IQCM: variants seen among roughly 807,000 people sequenced by gnomAD.
IQCM encodes the protein IQ motif containing M, also known as IQ domain-containing protein M.
A neutral mutation model predicts 57.6 loss-of-function variants in IQCM; 45 were observed. That is an observed-to-expected ratio of 0.78 (90% CI 0.62 to 1.00). IQCM has a LOEUF of 1.00. Among genes scored for constraint, IQCM ranks in the 50% least tolerant of loss-of-function variants. The pLI is 0.00. For missense variants in IQCM, 468 were observed against 511.6 expected (o/e 0.91, Z 0.82); for synonymous variants, 148 against 158.9 (o/e 0.93, Z 0.51).
chr4:149,452,668 C>T (rs1367615196), intron 12 of IQCM, among the ~76,000 whole-genome samples: 1 of 151,536 alleles, frequency 6.6e-6, no homozygotes, highest in East Asian at 1.9e-4. Flanking sequence ...ACCCATGAAA[C>T]TATCACCATC....
At chr4:149,726,127 G>GAAAGAGAGAGAAAGAAAGAAAGAAAGA (rs1765902516) in intron 5 of IQCM, among the ~76,000 whole-genome samples, 20 of 142,276 alleles carry the variant, frequency 1.4e-4, no homozygotes, top group Middle Eastern at 3.6e-3. Flanking sequence ...AAGAAAGAAA[G>GAAAGAGAGAGAAAGAAAGAAAGAAAGA]AAAGAAAGAA....
intron 12 of IQCM, among the ~76,000 whole-genome samples, chr4:149,469,736 A>G (rs1253504437): frequency 6.6e-6 from 1 of 152,212 alleles, no homozygotes; most frequent in Non-Finnish European, 1.5e-5. Flanking sequence ...AGGTCGGGTT[A>G]CCCACAAAGG....
At chr4:149,718,524 G>T (rs142856435) in intron 5 of IQCM, among the ~76,000 whole-genome samples, 179 of 152,292 alleles carry the variant, frequency 1.2e-3, no homozygotes, top group African/African-American at 4.1e-3. Flanking sequence ...AATTATTTTA[G>T]AAAAATGATG....
intron 12 of IQCM, among the ~76,000 whole-genome samples, chr4:149,534,842 G>A (rs186678587): frequency 1.3e-5 from 2 of 152,088 alleles, no homozygotes; most frequent in Admixed American, 1.3e-4. Context: ...TGGCTCTAGA[G>A]GTAACCTTTT....
chr4:149,801,748 G>A (rs1391120235), intron 2 of IQCM, among the ~76,000 whole-genome samples: 1 of 151,930 alleles, frequency 6.6e-6, no homozygotes, highest in South Asian at 2.1e-4. Context: ...GCTAAGAAGA[G>A]TAGTGGAGGA....
Position 149,460,677 on chromosome 4 carries a change from G to A in IQCM, c.1229-27120C>T, listed in dbSNP as rs561912231. ...AAAAATAAAGGAAGATCAGAAGGAA[G>A]AAAGGCAAAAAAAGGAAGAAAGGAT... On this transcript the variant is annotated intron_variant, in intron 12 of 13. Transcript: ENST00000636793. 4.8e-4 allele frequency among the ~76,000 whole-genome samples: 73 copies of A among 151,716 alleles called. 1 individual carries two copies. The South Asian group carries it at 0.015, about 32-fold the overall frequency.
At chr4:149,802,636 G>A (rs1055710524) in intron 2 of IQCM, among the ~76,000 whole-genome samples, 1 of 151,994 alleles carries the variant, frequency 6.6e-6, no homozygotes. Flanking sequence ...TTTGGCTCAA[G>A]TAAACTCTAA....
At chr4:149,419,404 A>G (rs1733970797) in intron 13 of IQCM, among the ~76,000 whole-genome samples, 1 of 151,970 alleles carries the variant, frequency 6.6e-6, no homozygotes, top group Non-Finnish European at 1.5e-5. Context: ...GGATTCCCTA[A>G]TTACTAAGTA....
intron 2 of IQCM, among the ~76,000 whole-genome samples, chr4:149,797,288 A>T (rs1193239773): frequency 6.6e-6 from 1 of 152,156 alleles, no homozygotes; most frequent in Non-Finnish European, 1.5e-5. Flanking sequence ...TGAAGACTGC[A>T]CCAGAGTTCT....
At position 149,514,172 on chromosome 4, in the gene IQCM, T is replaced by C. The variant is rs1283166520; in HGVS notation, c.1228+34283A>G. Among the ~76,000 whole-genome samples, 54 of 152,192 alleles carry C rather than the reference T, an allele frequency of 3.5e-4. 1 individual carries two copies. The highest frequency in any genetic ancestry group is 1.5e-5 in the Non-Finnish European group (1 of 68,024). On this transcript the variant is annotated intron_variant, in intron 12 of 13. Transcript: ENST00000636793. ...AATAATTAAAAATACAGATTCCTAGTACTTGACCCAAAACAAATGAATTAC... is the reference window on the plus strand; with the variant it reads ...AATAATTAAAAATACAGATTCCTAGCACTTGACCCAAAACAAATGAATTAC...
intron 12 of IQCM, among the ~76,000 whole-genome samples, chr4:149,481,162 T>G (rs901107574): frequency 6.6e-6 from 1 of 152,152 alleles, no homozygotes; most frequent in African/African-American, 2.4e-5. Context: ...ATTAATCCCT[T>G]GTCAGGTGGA....
intron 4 of IQCM, 39 bp downstream of exon 4, chr4:149,735,337 A>G: frequency 9.2e-7 from 1 of 1,091,236 alleles, no homozygotes; most frequent in Non-Finnish European, 1.2e-6. Context: ...GTATGCAAAA[A>G]TTTTAAAATG....
At chr4:149,416,841 A>G (rs1733782905) in intron 13 of IQCM, among the ~76,000 whole-genome samples, 1 of 152,168 alleles carries the variant, frequency 6.6e-6, no homozygotes, top group Non-Finnish European at 1.5e-5. Flanking sequence ...GAGTTAAATA[A>G]TGTGACTTGA....
chr4:149,419,431 C>A (rs527828934), intron 13 of IQCM, among the ~76,000 whole-genome samples: 1 of 152,072 alleles, frequency 6.6e-6, no homozygotes, highest in Non-Finnish European at 1.5e-5. Flanking sequence ...GGAGATCTGG[C>A]TAGCCATATG....
At chr4:149,771,550 G>T (rs1376229722) in intron 2 of IQCM, among the ~76,000 whole-genome samples, 1 of 152,002 alleles carries the variant, frequency 6.6e-6, no homozygotes, top group South Asian at 2.1e-4. Flanking sequence ...GACTAATAAA[G>T]TTCTTTCTTC....
intron 5 of IQCM, among the ~76,000 whole-genome samples, chr4:149,701,848 G>A (rs771699426): frequency 6.6e-6 from 1 of 151,946 alleles, no homozygotes; most frequent in African/African-American, 2.4e-5. Flanking sequence ...ATGTATGGAT[G>A]AGTACAATTA....
In IQCM at chr4:149,425,445, A is replaced by G. The variant is rs140639276; in HGVS notation, c.1390+7951T>C. On this transcript the variant is annotated intron_variant, in intron 13 of 13. Coordinates refer to ENST00000636793, the MANE Select transcript of IQCM (RefSeq NM_001363507.2). ...TGGTATAAGTCCCAGTCTGAGTCCA[A>G]AGGACTAGGATCTTGGGGGTTGATG... 9.9e-5 allele frequency among the ~76,000 whole-genome samples: 15 copies of G among 152,066 alleles called. No individual in the cohort carries two copies. In the East Asian group the frequency reaches 2.7e-3, roughly 28 times the overall value.
chr4:149,746,131 T>C (rs144801143), intron 2 of IQCM, among the ~76,000 whole-genome samples: 22 of 151,896 alleles, frequency 1.4e-4, no homozygotes, highest in African/African-American at 4.3e-4. Context: ...GCAGTTGATA[T>C]TATGGCAAAT....
intron 13 of IQCM, among the ~76,000 whole-genome samples, chr4:149,354,625 AAT>A (rs773337288): frequency 1.8e-4 from 28 of 152,000 alleles, no homozygotes; most frequent in Non-Finnish European, 2.6e-4. Context: ...AGATACTTAT[AAT>A]ATAACATTAC....
Sources: allele counts gnomAD v4.1 joint callset (sites outside exome capture counted in the v4.1 genomes callset), GRCh38; gene constraint gnomAD v4.1.1; transcripts MANE v1.5; gene names NCBI Gene and HGNC (gene_info 2026-07-23, HGNC 2026-07-21).